The following ITPR1 variants were observed in gnomAD, a reference collection of about 807,000 sequenced individuals.
ITPR1 encodes inositol 1,4,5-trisphosphate-gated calcium channel ITPR1.
In ITPR1, 96 loss-of-function variants were observed where a neutral mutation model predicts 318.4. The ratio of observed to expected loss-of-function variants is 0.30; its 90% CI spans 0.26 to 0.36. ITPR1 has a LOEUF of 0.36. ITPR1 is among the 10% of genes least tolerant of loss of function. ITPR1 has a pLI of 1.00. For synonymous variants in ITPR1, 1,312 were observed against 1,289.9 expected (o/e 1.02, Z -0.37); for missense variants, 2,440 against 3,460.2 (o/e 0.71, Z 7.40).
chr3:4,565,668 C>G (rs1010154526), intron 4 of ITPR1, among the ~76,000 whole-genome samples: 5 of 152,104 alleles, frequency 3.3e-5, no homozygotes, highest in African/African-American at 4.8e-5. Context: ...AGACGAAGGT[C>G]GGAATGGCTA....
chr3:4,780,891 A>T (rs943914659), intron 49 of ITPR1, among the ~76,000 whole-genome samples: 1 of 152,188 alleles, frequency 6.6e-6, no homozygotes, highest in South Asian at 2.1e-4. Flanking sequence ...GGTGGGGAAA[A>T]TGTCAACACC....
chr3:4,657,552 C>G (rs891919305), intron 12 of ITPR1, among the ~76,000 whole-genome samples: 2 of 151,390 alleles, frequency 1.3e-5, no homozygotes, highest in Non-Finnish European at 2.9e-5. Flanking sequence ...ACTGCAACTT[C>G]TGCCGCCCAG....
intron 33 of ITPR1, among the ~76,000 whole-genome samples, chr3:4,694,064 A>G (rs2094519810): frequency 6.6e-6 from 1 of 152,246 alleles, no homozygotes; most frequent in Non-Finnish European, 1.5e-5. Context: ...GACGAAGAGT[A>G]GGTTGAGATC....
At chr3:4,831,648 A>G (rs1412537169) in intron 60 of ITPR1, among the ~76,000 whole-genome samples, 1 of 152,232 alleles carries the variant, frequency 6.6e-6, no homozygotes, top group Non-Finnish European at 1.5e-5. Context: ...AAAATCCATT[A>G]GAAGCCAAGA....
intron 4 of ITPR1, among the ~76,000 whole-genome samples, chr3:4,602,889 TG>T (rs2091405024): frequency 6.6e-6 from 1 of 151,622 alleles, no homozygotes; most frequent in Non-Finnish European, 1.5e-5. Context: ...AGGATGTTTT[TG>T]TGGGGGATAA....
chr3:4,660,165 T>C (rs1448040464), intron 13 of ITPR1, among the ~76,000 whole-genome samples: 1 of 152,226 alleles, frequency 6.6e-6, no homozygotes, highest in Non-Finnish European at 1.5e-5. Flanking sequence ...TTTAGATCTT[T>C]GGAATATGAT....
intron 37 of ITPR1, among the ~76,000 whole-genome samples, chr3:4,709,475 G>C (rs1055238476): frequency 1.3e-4 from 20 of 152,190 alleles, no homozygotes; most frequent in African/African-American, 4.6e-4. Context: ...AATGTCCTTG[G>C]GTAACCAGGC....
At chr3:4,792,150 C>T (rs2047598838) in intron 52 of ITPR1, among the ~76,000 whole-genome samples, 2 of 152,088 alleles carry the variant, frequency 1.3e-5, no homozygotes, top group African/African-American at 4.8e-5. Context: ...CTCCTGTTCC[C>T]TCTCTCACTC....
intron 60 of ITPR1, among the ~76,000 whole-genome samples, chr3:4,836,407 T>G (rs1299835830): frequency 6.6e-6 from 1 of 152,182 alleles, no homozygotes; most frequent in Non-Finnish European, 1.5e-5. Context: ...TGGTAAATTT[T>G]ATGTTATGCA....
chr3:4,631,999 T>C (rs566575449), intron 5 of ITPR1, among the ~76,000 whole-genome samples: 1 of 152,322 alleles, frequency 6.6e-6, no homozygotes, highest in African/African-American at 2.4e-5. Flanking sequence ...GACATACAAT[T>C]GTATGGGATA....
At chr3:4,505,399 G>A (rs1169100070) in intron 2 of ITPR1, among the ~76,000 whole-genome samples, 3 of 152,170 alleles carry the variant, frequency 2.0e-5, no homozygotes, top group African/African-American at 4.8e-5. Flanking sequence ...CGCCATGTTG[G>A]CCAGGATGGT....
intron 4 of ITPR1, among the ~76,000 whole-genome samples, chr3:4,585,365 G>T (rs1027493503): frequency 6.6e-6 from 1 of 152,116 alleles, no homozygotes; most frequent in Non-Finnish European, 1.5e-5. Flanking sequence ...GTCCTTATCA[G>T]TCCTGGTACA....
At chr3:4,646,952 C>G (rs1350600240) in intron 10 of ITPR1, among the ~76,000 whole-genome samples, 1 of 151,944 alleles carries the variant, frequency 6.6e-6, no homozygotes, top group East Asian at 1.9e-4. Flanking sequence ...AGTAAAGTGC[C>G]CAAGTCAAGA....
chr3:4,502,135 T>C (rs942051441), intron 2 of ITPR1, among the ~76,000 whole-genome samples: 1 of 152,234 alleles, frequency 6.6e-6, no homozygotes, highest in African/African-American at 2.4e-5. Flanking sequence ...TTGTTTGCCT[T>C]GTCGTGTGTG....
At chr3:4,637,214 T>G (rs1229305333) in intron 5 of ITPR1, among the ~76,000 whole-genome samples, 1 of 152,252 alleles carries the variant, frequency 6.6e-6, no homozygotes, top group African/African-American at 2.4e-5. Context: ...GTTTTTTCCC[T>G]TTGATATTTT....
intron 29 of ITPR1, 39 bp from the exon 30 acceptor site, chr3:4,685,030 T>G: frequency 1.3e-6 from 2 of 1,594,386 alleles, no homozygotes; most frequent in Non-Finnish European, 1.7e-6. Context: ...CCAGCTATAG[T>G]TCCTAGTTTT....
intron 44 of ITPR1, among the ~76,000 whole-genome samples, chr3:4,764,939 T>G (rs567635692): frequency 8.7e-6 from 1 of 115,190 alleles, no homozygotes; most frequent in Admixed American, 1.1e-4. Context: ...AAATAAGTAG[T>G]GGGTGGCTGG....
At chr3:4,560,391 C>T (rs752618011) in intron 4 of ITPR1, among the ~76,000 whole-genome samples, 3 of 152,180 alleles carry the variant, frequency 2.0e-5, no homozygotes, top group Middle Eastern at 3.2e-3. Context: ...ATGGTATACA[C>T]ATACATTAGT....
At chr3:4,543,100 C>T (rs1232900506) in intron 4 of ITPR1, among the ~76,000 whole-genome samples, 6 of 151,878 alleles carry the variant, frequency 4.0e-5, no homozygotes, top group East Asian at 1.9e-4. Flanking sequence ...AAGACTGATC[C>T]GTGTTTGAAT....
Sources: gnomAD v4.1 joint callset for allele counts (sites outside exome capture counted in the v4.1 genomes callset) on GRCh38, gnomAD v4.1.1 for gene constraint, MANE v1.5 for transcripts, NCBI Gene and HGNC (gene_info 2026-07-23, HGNC 2026-07-21) for gene names.